The following AJAP1 variants were observed in gnomAD, a reference collection of about 807,000 sequenced individuals.
The protein encoded by AJAP1 is adherens junction-associated protein 1.
A neutral mutation model predicts 35.0 loss-of-function variants in AJAP1; 5 were observed. That is an observed-to-expected ratio of 0.14 (90% CI 0.07 to 0.30). The LOEUF is 0.30. Among genes scored for constraint, AJAP1 ranks in the 10% least tolerant of loss-of-function variants. The pLI, the probability that AJAP1 is intolerant of heterozygous loss-of-function variation, is 1.00. For synonymous variants in AJAP1, 284 were observed against 249.3 expected, an observed-to-expected ratio of 1.14 and a Z score of -1.31; for missense variants, 586 against 571.0, an observed-to-expected ratio of 1.03 and a Z score of -0.27.
intron 1 of AJAP1, among the ~76,000 whole-genome samples, chr1:4,661,519 C>T (rs1340657662): frequency 6.6e-6 from 1 of 152,230 alleles, no homozygotes; most frequent in Admixed American, 6.5e-5. Context: ...GATTTGAACC[C>T]AGGTTTCCAG....
chr1:4,740,805 A>AAAGG (rs1570178889), intron 2 of AJAP1, among the ~76,000 whole-genome samples: 1 of 133,230 alleles, frequency 7.5e-6, no homozygotes, highest in Admixed American at 7.4e-5. Context: ...AAAAAAAAAA[A>AAAGG]GCGGGGGGGG....
intron 3 of AJAP1, 97 bp downstream of exon 3, chr1:4,770,037 G>A: frequency 1.8e-6 from 2 of 1,104,500 alleles, no homozygotes; most frequent in East Asian, 2.4e-5. Context: ...AAGCCAGCCT[G>A]TTCTGCTGGC....
intron 1 of AJAP1, among the ~76,000 whole-genome samples, chr1:4,666,130 A>G (rs1639111729): frequency 1.4e-5 from 2 of 146,838 alleles, no homozygotes; most frequent in South Asian, 2.2e-4. Context: ...GAAATAGCCC[A>G]CTGAGGCTCC....
At chr1:4,725,090 G>T (rs1640620636) in intron 2 of AJAP1, among the ~76,000 whole-genome samples, 1 of 152,198 alleles carries the variant, frequency 6.6e-6, no homozygotes, top group South Asian at 2.1e-4. Context: ...GGTCCAGGGA[G>T]CTGGAAGCAC....
intron 1 of AJAP1, among the ~76,000 whole-genome samples, chr1:4,665,924 C>T (rs889712687): frequency 2.0e-5 from 3 of 152,204 alleles, no homozygotes; most frequent in African/African-American, 7.2e-5. Context: ...GCGTTTGACT[C>T]CCTTCTCAGA....
intron 3 of AJAP1, 91 bp downstream of exon 3, chr1:4,770,031 C>T (rs762712108): frequency 5.5e-5 from 64 of 1,157,010 alleles, no homozygotes; most frequent in Middle Eastern, 4.0e-4. Context: ...TTTTCAAAGC[C>T]AGCCTGTTCT....
At chr1:4,744,833 G>C (rs1391969867) in intron 2 of AJAP1, among the ~76,000 whole-genome samples, 1 of 152,140 alleles carries the variant, frequency 6.6e-6, no homozygotes, top group East Asian at 1.9e-4. Context: ...GACATGATTT[G>C]CCCCTGCTGG....
At chr1:4,746,440 C>A (rs1641189832) in intron 2 of AJAP1, among the ~76,000 whole-genome samples, 1 of 152,066 alleles carries the variant, frequency 6.6e-6, no homozygotes, top group Non-Finnish European at 1.5e-5. Context: ...CACCGTTCAA[C>A]CCGCATCGCC....
chr1:4,700,361 C>T (rs1639958673), intron 1 of AJAP1, among the ~76,000 whole-genome samples: 1 of 152,124 alleles, frequency 6.6e-6, no homozygotes. Context: ...CTGGGCCTCG[C>T]CCCCACAGGC....
intron 2 of AJAP1, among the ~76,000 whole-genome samples, chr1:4,728,521 G>T (rs1479139370): frequency 1.3e-5 from 2 of 152,170 alleles, no homozygotes; most frequent in African/African-American, 4.8e-5. Context: ...GCTGTGTAGG[G>T]GTGTGAGCGG....
chr1:4,700,314 C>T lies in AJAP1; in HGVS notation c.30-11586C>T, dbSNP rs564558997. ...TGGGGACACTCCTCAGCTCTTAACC[C>T]GGGATGTACCCTGGGGTCTTCCACA... On this transcript the variant is annotated intron_variant, in intron 1 of 5. Transcript: ENST00000378191. Among the ~76,000 whole-genome samples the T allele has an allele frequency of 2.6e-5, 4 of 152,254 alleles. No individual in the cohort carries two copies. In the South Asian group the frequency reaches 6.2e-4, roughly 24 times the overall value.
Position 4,712,016 on chromosome 1 carries a change from A to G in AJAP1, c.146A>G (p.Glu49Gly). The G allele has an allele frequency of 2.5e-5, 40 of 1,595,194 alleles. No individual in the cohort carries two copies. The highest frequency in any genetic ancestry group is 3.4e-5 in the Non-Finnish European group (40 of 1,173,788). The change falls in exon 2 of 6, where the codon GAG becomes GGG. Residue 49 changes from glutamate (E) to glycine (G), a missense_variant. Physicochemically the swap from Glu to Gly is moderately conservative, Grantham distance 98. Coordinates refer to ENST00000378191, the MANE Select transcript of AJAP1 (RefSeq NM_018836.4). ...PACEALGPGP[E>G]FWLLPRSPPR... ...TGTGAGGCCCTGGGCCCGGGGCCGGAGTTCTGGCTCCTGCCGCGGTCGCCG... is the reference window on the plus strand; with the variant it reads ...TGTGAGGCCCTGGGCCCGGGGCCGGGGTTCTGGCTCCTGCCGCGGTCGCCG...
At chr1:4,686,287 G>A (rs1022985771) in intron 1 of AJAP1, among the ~76,000 whole-genome samples, 3 of 152,084 alleles carry the variant, frequency 2.0e-5, no homozygotes, top group South Asian at 2.1e-4. Context: ...TTGTTGTCTC[G>A]GTCTGGCAGC....
chr1:4,678,269 G>A (rs185127775), intron 1 of AJAP1, among the ~76,000 whole-genome samples: 1 of 152,364 alleles, frequency 6.6e-6, no homozygotes, highest in East Asian at 1.9e-4. Context: ...ACAAATATGA[G>A]TGAATCTGGT....
intron 1 of AJAP1, among the ~76,000 whole-genome samples, chr1:4,670,213 G>A (rs776158874): frequency 2.6e-5 from 4 of 152,060 alleles, no homozygotes; most frequent in South Asian, 2.1e-4. Context: ...TGTTCACAGC[G>A]CTGGGCCTGT....
At chr1:4,700,321 T>C (rs1436923811) in intron 1 of AJAP1, among the ~76,000 whole-genome samples, 1 of 152,146 alleles carries the variant, frequency 6.6e-6, no homozygotes, top group African/African-American at 2.4e-5. Context: ...ACCCGGGATG[T>C]ACCCTGGGGT....
intron 1 of AJAP1, among the ~76,000 whole-genome samples, chr1:4,662,896 G>A (rs1639034054): frequency 6.6e-6 from 1 of 152,232 alleles, no homozygotes; most frequent in Non-Finnish European, 1.5e-5. Context: ...TGAAGCATTA[G>A]AAGAAGTCCT....
At chr1:4,768,064 C>A (rs1259383809) in intron 2 of AJAP1, among the ~76,000 whole-genome samples, 1 of 152,174 alleles carries the variant, frequency 6.6e-6, no homozygotes, top group African/African-American at 2.4e-5. Context: ...ACCAACTTGG[C>A]AGTCCCAGAG....
In AJAP1 at chr1:4,718,150, G is replaced by A. The variant is rs114383865; in HGVS notation, c.829+5451G>A. ...GTGCCGTGGTTCTGGGTGGTGGCCT[G>A]TGGTCGAGGTTTTCTGTTGGCCGAC... On this transcript the variant is annotated intron_variant, in intron 2 of 5. Coordinates refer to ENST00000378191, the MANE Select transcript of AJAP1 (RefSeq NM_018836.4). Among the ~76,000 whole-genome samples, 546 of 152,204 alleles carry A rather than the reference G, an allele frequency of 3.6e-3. 1 individual carries two copies. Among genetic ancestry groups the A allele is most frequent in the African/African-American group, 0.013 (528 of 41,538 alleles).
Sources: allele counts gnomAD v4.1 joint callset (sites outside exome capture counted in the v4.1 genomes callset), GRCh38; gene constraint gnomAD v4.1.1; transcripts MANE v1.5; gene names NCBI Gene and HGNC (gene_info 2026-07-23, HGNC 2026-07-21).